GRM8: variants seen among roughly 807,000 people sequenced by gnomAD.
GRM8 encodes metabotropic glutamate receptor 8.
Under a neutral mutation model 87.2 loss-of-function variants are expected in GRM8, and 47 were observed. That is an observed-to-expected ratio of 0.54 (90% CI 0.43 to 0.69). The LOEUF is 0.69. Among genes scored for constraint, GRM8 ranks in the 30% least tolerant of loss-of-function variants. The pLI, the probability that GRM8 is intolerant of heterozygous loss-of-function variation, is 0.00. For missense variants in GRM8, 1,019 were observed against 1,139.2 expected (o/e 0.89, Z 1.52); for synonymous variants, 396 against 404.5 (o/e 0.98, Z 0.25).
chr7:126,714,767 A>G (rs1811529304), intron 7 of GRM8, among the ~76,000 whole-genome samples: 1 of 152,186 alleles, frequency 6.6e-6, no homozygotes, highest in African/African-American at 2.4e-5. Context: ...GCTGTTGACC[A>G]GAAGCCTTAC....
At chr7:126,582,783 G>T (rs968238996) in intron 8 of GRM8, among the ~76,000 whole-genome samples, 7 of 152,138 alleles carry the variant, frequency 4.6e-5, no homozygotes, top group African/African-American at 1.7e-4. Context: ...GAAGTACAAA[G>T]CCTGTTACCC....
chr7:127,118,464 C>G (rs1427484267), intron 2 of GRM8, among the ~76,000 whole-genome samples: 1 of 152,184 alleles, frequency 6.6e-6, no homozygotes, highest in Non-Finnish European at 1.5e-5. Context: ...TTTTGGGAAG[C>G]CTAGCTTACT....
At chr7:126,631,185 A>C (rs190104086) in intron 7 of GRM8, among the ~76,000 whole-genome samples, 1 of 152,318 alleles carries the variant, frequency 6.6e-6, no homozygotes, top group East Asian at 1.9e-4. Context: ...ACTACTGCAA[A>C]GTCTCATGAT....
chr7:126,719,126 T>C (rs893931603), intron 7 of GRM8, among the ~76,000 whole-genome samples: 3 of 152,138 alleles, frequency 2.0e-5, no homozygotes, highest in Non-Finnish European at 2.9e-5. Flanking sequence ...ACTCCAGATC[T>C]TTTTTTACCT....
intron 2 of GRM8, among the ~76,000 whole-genome samples, chr7:127,154,237 G>A (rs1461242642): frequency 6.6e-6 from 1 of 152,006 alleles, no homozygotes; most frequent in Non-Finnish European, 1.5e-5. Context: ...AATAAATCAC[G>A]CCTAGCTCTC....
At chr7:126,792,969 C>T (rs1378873134) in intron 6 of GRM8, among the ~76,000 whole-genome samples, 1 of 152,166 alleles carries the variant, frequency 6.6e-6, no homozygotes, top group African/African-American at 2.4e-5. Flanking sequence ...AAAGATTGTA[C>T]ATCAGATTCT....
chr7:126,910,081 C>T (rs1422431607), intron 3 of GRM8, among the ~76,000 whole-genome samples: 17 of 151,870 alleles, frequency 1.1e-4, no homozygotes, highest in Non-Finnish European at 2.2e-4. Flanking sequence ...TTCTGTTATC[C>T]TAAATAAGAG....
intron 3 of GRM8, among the ~76,000 whole-genome samples, chr7:127,067,654 T>TC (rs1390471149): frequency 6.6e-5 from 10 of 152,180 alleles, no homozygotes; most frequent in Admixed American, 2.6e-4. Context: ...CTTAAATGTC[T>TC]CCCCTTTGTT....
chr7:126,779,875 C>G (rs1305476583), intron 6 of GRM8, among the ~76,000 whole-genome samples: 1 of 152,038 alleles, frequency 6.6e-6, no homozygotes, highest in Non-Finnish European at 1.5e-5. Flanking sequence ...GTTTTGAGAC[C>G]AGATTAAGAT....
At chr7:127,094,240 T>A (rs991842148) in intron 3 of GRM8, among the ~76,000 whole-genome samples, 1 of 152,108 alleles carries the variant, frequency 6.6e-6, no homozygotes, top group Non-Finnish European at 1.5e-5. Flanking sequence ...AACAAGGAAA[T>A]GACTTTGGAA....
intron 8 of GRM8, among the ~76,000 whole-genome samples, chr7:126,598,585 G>A (rs1416153108): frequency 6.6e-6 from 1 of 151,806 alleles, no homozygotes; most frequent in Non-Finnish European, 1.5e-5. Flanking sequence ...TCTTAGTAAG[G>A]CCTTTCGAAA....
chr7:126,907,333 G>A (rs1356340170), intron 3 of GRM8, among the ~76,000 whole-genome samples: 1 of 149,170 alleles, frequency 6.7e-6, no homozygotes, highest in South Asian at 2.1e-4. Flanking sequence ...GGGGGAAGAA[G>A]GGGAAGGAGG....
chr7:126,744,259 A>G (rs537717579), intron 7 of GRM8, among the ~76,000 whole-genome samples: 19 of 152,198 alleles, frequency 1.2e-4, no homozygotes, highest in African/African-American at 4.6e-4. Flanking sequence ...TGAAGAAACG[A>G]CTGACATATA....
At chr7:126,580,249 TC>T (rs1401816512) in intron 8 of GRM8, among the ~76,000 whole-genome samples, 1 of 152,148 alleles carries the variant, frequency 6.6e-6, no homozygotes, top group African/African-American at 2.4e-5. Flanking sequence ...CAAGTTGAAA[TC>T]CAAACTCCAA....
intron 8 of GRM8, among the ~76,000 whole-genome samples, chr7:126,585,979 A>T (rs1047335951): frequency 3.3e-5 from 5 of 152,218 alleles, no homozygotes; most frequent in Admixed American, 2.6e-4. Context: ...CAACCTCAGC[A>T]AAGTCTCAGG....
In GRM8 at chr7:126,609,488, G is replaced by A. The variant is rs752950828; in HGVS notation, c.1368C>T (p.Gly456=). 2.5e-5 allele frequency: 40 copies of A among 1,610,632 alleles called. 1 individual carries two copies. The South Asian group carries it at 3.7e-4, about 15-fold the overall frequency. Residue 456 remains glycine, a synonymous_variant, in exon 8 of 11, where the codon GGC becomes GGT. Transcript: ENST00000339582. ...CGTTTTCATTAAAAGTGACAGGAGT[G>A]CCAGCACTGCCTATAAAGATTTAGA... ...IRAVNFNGSA[G]TPVTFNENGD... is the part of the protein sequence containing the mutation.
chr7:126,893,729 G>A lies in GRM8; in HGVS notation c.1156+8813C>T, dbSNP rs539567753. ...GAGGGCAGATGTTTAGCACAATATA[G>A]AGTTTAACAAATGTCATAAGTAATA... On this transcript the variant is annotated intron_variant, in intron 6 of 10. Transcript: ENST00000339582. Among the ~76,000 whole-genome samples the A allele has an allele frequency of 1.4e-4, 21 of 152,000 alleles. No individual in the cohort carries two copies. In the Middle Eastern group the frequency reaches 0.017, roughly 123 times the overall value.
intron 6 of GRM8, among the ~76,000 whole-genome samples, chr7:126,843,731 T>A (rs1459365614): frequency 6.6e-6 from 1 of 152,250 alleles, no homozygotes; most frequent in African/African-American, 2.4e-5. Context: ...AGTCAATATT[T>A]CTGTGAGCCA....
intron 3 of GRM8, among the ~76,000 whole-genome samples, chr7:127,097,332 A>G (rs946007066): frequency 1.4e-4 from 22 of 152,174 alleles, no homozygotes; most frequent in African/African-American, 4.6e-4. Flanking sequence ...ATAACCAAGG[A>G]TGACAAAAAC....
Sources: allele counts gnomAD v4.1 joint callset (sites outside exome capture counted in the v4.1 genomes callset), GRCh38; gene constraint gnomAD v4.1.1; transcripts MANE v1.5; gene names NCBI Gene and HGNC (gene_info 2026-07-23, HGNC 2026-07-21).